Variants in LIPA observed in about 807,000 individuals in gnomAD.
LIPA encodes the protein lysosomal acid lipase/cholesteryl ester hydrolase.
A neutral mutation model predicts 40.6 loss-of-function variants in LIPA; 26 were observed. The observed-to-expected ratio is 0.64, with a 90% CI of 0.47 to 0.89. The LOEUF is 0.89. Ranked by LOEUF, LIPA falls within the 40% of genes least tolerant of loss-of-function variation. LIPA has a pLI of 0.00. For synonymous variants in LIPA, 188 were observed against 168.4 expected, an observed-to-expected ratio of 1.12 and a Z score of -0.90; for missense variants, 455 against 479.6, an observed-to-expected ratio of 0.95 and a Z score of 0.48.
intron 1 of LIPA, among the ~76,000 whole-genome samples, chr10:89,260,592 A>G (rs185082416): frequency 8.5e-5 from 13 of 152,280 alleles, no homozygotes; most frequent in African/African-American, 3.1e-4. Context: ...TGGGCCTCCT[A>G]CTTGGAGGTG....
chr10:89,252,805 CCCAAA>C (rs1311571571), upstream of LIPA, among the ~76,000 whole-genome samples: 6 of 30,620 alleles, frequency 2.0e-4, no homozygotes, highest in Non-Finnish European at 2.9e-4. Flanking sequence ...GACTCCATCC[CCCAAA>C]AAAAAAAAAA....
chr10:89,336,318 G>A (rs1230172193), intron 1 of LIPA, among the ~76,000 whole-genome samples: 1 of 152,154 alleles, frequency 6.6e-6, no homozygotes, highest in Admixed American at 6.5e-5. Flanking sequence ...ACCAAGAAAA[G>A]GAAAAGGACT....
At chr10:89,219,735 C>T (rs1351955122) in intron 8 of LIPA, among the ~76,000 whole-genome samples, 2 of 152,210 alleles carry the variant, frequency 1.3e-5, no homozygotes, top group Non-Finnish European at 2.9e-5. Flanking sequence ...GCACCAGTGG[C>T]AGCCCCTGGC....
At chr10:89,224,335 C>T (rs918207266) in intron 6 of LIPA, among the ~76,000 whole-genome samples, 1 of 152,124 alleles carries the variant, frequency 6.6e-6, no homozygotes, top group African/African-American at 2.4e-5. Flanking sequence ...GTAGCTCATG[C>T]CTGTAATCCC....
chr10:89,381,376 C>T (rs1844161539), intron 2 of LIPA, among the ~76,000 whole-genome samples: 1 of 152,134 alleles, frequency 6.6e-6, no homozygotes, highest in African/African-American at 2.4e-5. Flanking sequence ...TTTACTTACT[C>T]CTGACCCCAC....
At chr10:89,229,352 T>C (rs11203042) in intron 3 of LIPA, among the ~76,000 whole-genome samples, 88,461 of 151,906 alleles carry the variant, frequency 0.58, 25,978 homozygotes, top group African/African-American at 0.66. Context: ...ATAGACAGAG[T>C]AAAGAGGATT....
At chr10:89,391,579 G>C (rs1009412336) in intron 2 of LIPA, among the ~76,000 whole-genome samples, 2 of 151,960 alleles carry the variant, frequency 1.3e-5, no homozygotes, top group African/African-American at 4.8e-5. Context: ...CACCAGACTG[G>C]AGTACAGTGG....
At chr10:89,299,907 C>A (rs1564779484) in intron 1 of LIPA, among the ~76,000 whole-genome samples, 1 of 152,168 alleles carries the variant, frequency 6.6e-6, no homozygotes, top group Non-Finnish European at 1.5e-5. Context: ...CCAGCAATCA[C>A]ACTACTGGAT....
intron 2 of LIPA, chr10:89,405,337 T>C (rs550034276): frequency 5.0e-4 from 76 of 152,338 alleles, no homozygotes; most frequent in African/African-American, 1.7e-3. Context: ...CCTTTGATTA[T>C]GAATAATCAT....
At chr10:89,297,937 G>T (rs1468427971) in intron 1 of LIPA, among the ~76,000 whole-genome samples, 1 of 152,210 alleles carries the variant, frequency 6.6e-6, no homozygotes, top group East Asian at 1.9e-4. Context: ...CACACCTAAA[G>T]AACAGCGTCT....
At chr10:89,351,342 G>A (rs75508069) in intron 2 of LIPA, among the ~76,000 whole-genome samples, 2 of 152,152 alleles carry the variant, frequency 1.3e-5, no homozygotes, top group African/African-American at 4.8e-5. Flanking sequence ...TGCACAGAAT[G>A]GTTTTTTTCC....
At chr10:89,235,616 C>G (rs1842895505) in intron 3 of LIPA, among the ~76,000 whole-genome samples, 1 of 152,206 alleles carries the variant, frequency 6.6e-6, no homozygotes, top group South Asian at 2.1e-4. Context: ...TCCTGCCTCC[C>G]AAGGCACTGG....
intron 7 of LIPA, among the ~76,000 whole-genome samples, chr10:89,222,881 A>T (rs1842718419): frequency 6.6e-6 from 1 of 152,234 alleles, no homozygotes; most frequent in Non-Finnish European, 1.5e-5. Flanking sequence ...CAAATTTCAT[A>T]TAACAATCAC....
intron 8 of LIPA, among the ~76,000 whole-genome samples, chr10:89,217,858 G>A (rs1430455342): frequency 1.3e-5 from 2 of 152,070 alleles, no homozygotes; most frequent in Non-Finnish European, 2.9e-5. Context: ...TCTTTTTACC[G>A]GGCGCCACCT....
At chr10:89,295,157 A>C (rs1407864914) in intron 1 of LIPA, among the ~76,000 whole-genome samples, 1 of 152,108 alleles carries the variant, frequency 6.6e-6, no homozygotes, top group Non-Finnish European at 1.5e-5. Context: ...ACCATTTTAA[A>C]CGTGTATTTG....
intron 1 of LIPA, among the ~76,000 whole-genome samples, chr10:89,342,135 T>C (rs1157214598): frequency 2.0e-5 from 3 of 152,224 alleles, no homozygotes; most frequent in African/African-American, 7.2e-5. Flanking sequence ...CTGCAGCTAA[T>C]GAATAAACAT....
At chr10:89,247,769 G>T in intron 1 of LIPA, 120 bp from the exon 2 acceptor site, 1 of 694,866 alleles carries the variant, frequency 1.4e-6, no homozygotes. Context: ...AAGGTGAAAG[G>T]AAAATATGAA....
At chr10:89,316,224 A>G (rs1004275910) in intron 1 of LIPA, among the ~76,000 whole-genome samples, 1 of 152,168 alleles carries the variant, frequency 6.6e-6, no homozygotes, top group Non-Finnish European at 1.5e-5. Context: ...GGCTTGTCAG[A>G]TAGTGGGTGC....
intron 1 of LIPA, chr10:89,339,054 T>C: frequency 6.2e-7 from 1 of 1,614,098 alleles, no homozygotes. Context: ...CATACAGTAT[T>C]GAGTATTCTG....
Sources: allele counts gnomAD v4.1 joint callset (sites outside exome capture counted in the v4.1 genomes callset), GRCh38; gene constraint gnomAD v4.1.1; transcripts MANE v1.5; gene names NCBI Gene and HGNC (gene_info 2026-07-23, HGNC 2026-07-21).